The following P4HA3 variants were observed in gnomAD, a reference collection of about 807,000 sequenced individuals.
The protein encoded by P4HA3 is prolyl 4-hydroxylase subunit alpha 3.
Under a neutral mutation model 66.7 loss-of-function variants are expected in P4HA3, and 60 were observed. The observed-to-expected ratio is 0.90, with a 90% CI of 0.73 to 1.12. P4HA3 has a LOEUF of 1.12. Ranked by LOEUF, P4HA3 falls within the 50% of genes most tolerant of loss-of-function variation. P4HA3 has a pLI of 0.00. For missense variants in P4HA3, 683 were observed against 685.8 expected (o/e 1.00, Z 0.05); for synonymous variants, 263 against 274.6 (o/e 0.96, Z 0.42).
Position 74,269,568 on chromosome 11 carries a change from C to G in P4HA3, c.1467+84G>C, listed in dbSNP as rs533472587. The G allele has an allele frequency of 1.4e-5, 20 of 1,403,706 alleles. No individual in the cohort carries two copies. The East Asian group carries it at 4.9e-4, about 35-fold the overall frequency. The allele number at this position is 1,403,706 out of a possible 1,614,324, so 87.0% of individuals were successfully genotyped here. A position where few individuals can be genotyped will look rare whatever the true frequency, so the allele number is the denominator to read the frequency against. On this transcript the variant is annotated intron_variant, in intron 11 of 12. Transcript: ENST00000331597. ...TTTTGGCCCTCCTCCCAGGAATGGGCTTGCAAGCACAGACAGCGTGAAGGT... is the reference window on the plus strand; with the variant it reads ...TTTTGGCCCTCCTCCCAGGAATGGGGTTGCAAGCACAGACAGCGTGAAGGT...
At chr11:74,270,421 G>A (rs1591089862) in intron 10 of P4HA3, among the ~76,000 whole-genome samples, 2 of 152,090 alleles carry the variant, frequency 1.3e-5, no homozygotes, top group African/African-American at 4.8e-5. Context: ...TTAATGTGAA[G>A]CTTTTTTTCT....
Position 74,285,931 on chromosome 11 carries a change from C to T in P4HA3, c.988G>A (p.Ala330Thr), listed in dbSNP as rs558949308. Residue 330 changes from alanine to threonine, a missense_variant, in exon 7 of 13, where the codon GCC becomes ACC. By Grantham distance (58) the Ala-to-Thr change is moderately conservative (BLOSUM62 0). Transcript: ENST00000331597. ...LYCSYETNSN[A>T]YLLLQPIRKE... ...CGGATGGGCTGGAGCAGCAGGTAGG[C>T]GTTGGAATTGGTCTCATAGGAACAG... 24 of 1,611,354 alleles carry T rather than the reference C, an allele frequency of 1.5e-5. No homozygotes were observed. The highest frequency in any genetic ancestry group is 8.9e-5 in the East Asian group (4 of 44,848).
intron 10 of P4HA3, 75 bp from the exon 11 acceptor site, chr11:74,269,795 G>T: frequency 7.3e-7 from 1 of 1,378,154 alleles, no homozygotes; most frequent in Non-Finnish European, 1.0e-6. Context: ...TGTCACATCT[G>T]CATAGATTCC....
downstream of P4HA3, among the ~76,000 whole-genome samples, chr11:74,262,510 G>A (rs1301360747): frequency 6.6e-6 from 1 of 152,174 alleles, no homozygotes; most frequent in Non-Finnish European, 1.5e-5. Context: ...GGGGAACGGG[G>A]AGACTTTCCC....
At chr11:74,280,612 C>T (rs911896241) in intron 7 of P4HA3, among the ~76,000 whole-genome samples, 4 of 152,182 alleles carry the variant, frequency 2.6e-5, no homozygotes, top group Non-Finnish European at 4.4e-5. Flanking sequence ...TTTTTCAGTG[C>T]TGTATCCCCA....
At position 74,268,167 on chromosome 11, in the gene P4HA3, A is replaced by C; in HGVS notation, c.1542T>G (p.Pro514=). 1 of 1,613,990 alleles carries C rather than the reference A, an allele frequency of 6.2e-7. No homozygotes were observed. The highest frequency in any genetic ancestry group is 8.5e-7 in the Non-Finnish European group (1 of 1,179,882). ...GDSDTLHAGC[P]VLVGDKWVAN... is the part of the protein sequence containing the mutation. ...TACCCCACTTATCTCCCACCAGGAC[A>C]GGACAGCCAGCATGAAGTGTGTCAC... Residue 514 remains proline, a synonymous_variant, in exon 12 of 13, where the codon CCT becomes CCG. Coordinates refer to ENST00000331597, the MANE Select transcript of P4HA3 (RefSeq NM_182904.5).
chr11:74,293,024 CT>C (rs1280443763), intron 4 of P4HA3, among the ~76,000 whole-genome samples: 1 of 152,108 alleles, frequency 6.6e-6, no homozygotes. Context: ...TCTCATTGAT[CT>C]GTCTAATGTT....
chr11:74,291,119 C>A (rs369668035), intron 4 of P4HA3, among the ~76,000 whole-genome samples: 6,035 of 152,026 alleles, frequency 0.04, 125 homozygotes, highest in Middle Eastern at 0.099. Flanking sequence ...CTTTTATTTC[C>A]TTGAGCAGTG....
chr11:74,296,090 T>C lies in P4HA3; in HGVS notation c.717+2122A>G, dbSNP rs565900537. Among the ~76,000 whole-genome samples, 24 of 152,360 alleles carry C rather than the reference T, an allele frequency of 1.6e-4. No homozygotes were observed. The South Asian group carries it at 4.8e-3, about 30-fold the overall frequency. On this transcript the variant is annotated intron_variant, in intron 4 of 12. Transcript: ENST00000331597. ...AGAGAACATATATATGTATGTATCATGTAATAAGAACTGACATTTATCCAG... is the reference window on the plus strand; with the variant it reads ...AGAGAACATATATATGTATGTATCACGTAATAAGAACTGACATTTATCCAG...
At chr11:74,305,234 G>C (rs530311444) in intron 1 of P4HA3, among the ~76,000 whole-genome samples, 2 of 152,068 alleles carry the variant, frequency 1.3e-5, no homozygotes, top group Non-Finnish European at 2.9e-5. Flanking sequence ...GAGTTAGAAG[G>C]GGGAAGGAAA....
chr11:74,270,504 T>A lies in P4HA3; in HGVS notation c.1399-784A>T, dbSNP rs193237890. Among the ~76,000 whole-genome samples the A allele has an allele frequency of 2.8e-4, 39 of 140,302 alleles. 2 individuals are homozygous for A. In the East Asian group the frequency reaches 7.8e-3, roughly 28 times the overall value. The allele number at this position is 140,302 out of a possible 152,430, so 92.0% of individuals were successfully genotyped here. On this transcript the variant is annotated intron_variant, in intron 10 of 12. Coordinates refer to ENST00000331597, the MANE Select transcript of P4HA3 (RefSeq NM_182904.5). ...AAATATTTTTAAATAACAATAATTA[T>A]CATTGTACCATCCAGAAAAAAGTTA... is the stretch of plus-strand genomic sequence containing the variant.
intron 14 of P4HA3, among the ~76,000 whole-genome samples, chr11:74,261,621 CAT>C (rs1859908369): frequency 6.6e-6 from 1 of 152,182 alleles, no homozygotes; most frequent in Non-Finnish European, 1.5e-5. Flanking sequence ...ACTATTTTCA[CAT>C]ATGTCAGTAT....
Position 74,311,401 on chromosome 11 carries a change from C to A in P4HA3, c.200+11G>T. ...AGGCCCCTCGGTCGCTCCCACTCGT[C>A]GTGCCCTCACCTAGTCAGGTCCCGC... On this transcript the variant is annotated intron_variant, in intron 1 of 12. Transcript: ENST00000331597. 4 of 1,496,872 alleles carry A rather than the reference C, an allele frequency of 2.7e-6. No individual in the cohort carries two copies. The highest frequency in any genetic ancestry group is 3.5e-6 in the Non-Finnish European group (4 of 1,130,994). The allele number at this position is 1,496,872 out of a possible 1,614,324, so 92.7% of individuals were successfully genotyped here.
intron 15 of P4HA3, among the ~76,000 whole-genome samples, chr11:74,255,076 C>T (rs1258464533): frequency 1.3e-5 from 2 of 152,210 alleles, no homozygotes; most frequent in Admixed American, 1.3e-4. Flanking sequence ...CTCCTCCTGT[C>T]TCTCCCAGAT....
intron 10 of P4HA3, among the ~76,000 whole-genome samples, chr11:74,272,354 A>C (rs918612518): frequency 2.6e-5 from 4 of 152,192 alleles, no homozygotes; most frequent in African/African-American, 9.7e-5. Context: ...GGGATAAAGA[A>C]CAGAGATATA....
At chr11:74,265,027 T>A (rs1018665762), downstream of P4HA3, among the ~76,000 whole-genome samples, 4 of 152,220 alleles carry the variant, frequency 2.6e-5, no homozygotes, top group Admixed American at 6.5e-5. Flanking sequence ...TCTATAAAAC[T>A]GCCTCCTTAT....
intron 3 of P4HA3, 40 bp downstream of exon 3, chr11:74,302,329 A>G: frequency 6.5e-7 from 1 of 1,537,274 alleles, no homozygotes; most frequent in Non-Finnish European, 8.9e-7. Flanking sequence ...TCCATAAGAA[A>G]CCAGAGCCAA....
chr11:74,251,259 G>T, intron 15 of P4HA3: 1 of 1,376,454 alleles, frequency 7.3e-7, no homozygotes, highest in Non-Finnish European at 9.4e-7. Flanking sequence ...CTGTGGTTAA[G>T]ATCTTAAGCT....
chr11:74,259,239 T>G, intron 15 of P4HA3, among the ~76,000 whole-genome samples: 1 of 151,854 alleles, frequency 6.6e-6, no homozygotes, highest in East Asian at 1.9e-4. Context: ...ATTAGCCGGG[T>G]GTGGTGGTGG....
Sources: allele counts gnomAD v4.1 joint callset (sites outside exome capture counted in the v4.1 genomes callset), GRCh38; gene constraint gnomAD v4.1.1; transcripts MANE v1.5; gene names NCBI Gene and HGNC (gene_info 2026-07-23, HGNC 2026-07-21).